The following HDAC4 variants were observed in gnomAD, a reference collection of about 807,000 sequenced individuals.
HDAC4 encodes histone deacetylase 4, also known as histone deacetylase A.
A neutral mutation model predicts 135.1 loss-of-function variants in HDAC4; 16 were observed. That is an observed-to-expected ratio of 0.12 (90% CI 0.08 to 0.18). HDAC4 has a LOEUF of 0.18. Among genes scored for constraint, HDAC4 ranks in the 10% least tolerant of loss-of-function variants. HDAC4 has a pLI of 1.00. For missense variants in HDAC4, 1,143 were observed against 1,511.8 expected (o/e 0.76, Z 4.05); for synonymous variants, 685 against 653.4 (o/e 1.05, Z -0.74).
At chr2:239,175,726 GA>G (rs1384993740) in intron 5 of HDAC4, among the ~76,000 whole-genome samples, 1 of 152,176 alleles carries the variant, frequency 6.6e-6, no homozygotes, top group Non-Finnish European at 1.5e-5. Context: ...AAAGTACTTT[GA>G]AAAATGCAGG....
chr2:239,054,464 G>A (rs904513787), intron 25 of HDAC4, among the ~76,000 whole-genome samples: 6 of 152,152 alleles, frequency 3.9e-5, no homozygotes, highest in African/African-American at 1.4e-4. Flanking sequence ...GGGACCTAGA[G>A]CAAGTGACTC....
intron 4 of HDAC4, among the ~76,000 whole-genome samples, chr2:239,177,854 C>T (rs866740962): frequency 6.6e-6 from 1 of 152,222 alleles, no homozygotes; most frequent in African/African-American, 2.4e-5. Context: ...CTAGTGAACA[C>T]TTCCCATTTC....
chr2:239,301,529 C>G (rs2052272495), intron 2 of HDAC4, among the ~76,000 whole-genome samples: 1 of 150,870 alleles, frequency 6.6e-6, no homozygotes, highest in African/African-American at 2.4e-5. Context: ...GTCACCCAGG[C>G]TGGAGTGCAG....
At chr2:239,135,490 A>T (rs1030685078) in intron 9 of HDAC4, among the ~76,000 whole-genome samples, 8 of 152,242 alleles carry the variant, frequency 5.3e-5, no homozygotes, top group African/African-American at 1.9e-4. Context: ...ACAAATTGGC[A>T]AACACTTTTG....
chr2:239,126,744 G>C, intron 11 of HDAC4, 50 bp from the exon 12 acceptor site: 1 of 1,582,262 alleles, frequency 6.3e-7, no homozygotes, highest in South Asian at 1.1e-5. Flanking sequence ...GAAGAAGAGA[G>C]GAGGGAGAGA....
chr2:239,288,598 T>C (rs564699059), intron 2 of HDAC4, among the ~76,000 whole-genome samples: 1 of 151,936 alleles, frequency 6.6e-6, no homozygotes, highest in South Asian at 2.1e-4. Context: ...AATAAGATGA[T>C]TGGATATAAA....
intron 20 of HDAC4, among the ~76,000 whole-genome samples, chr2:239,083,942 C>T (rs1043083417): frequency 1.1e-4 from 17 of 152,232 alleles, no homozygotes; most frequent in Admixed American, 8.5e-4. Context: ...TTTTTAGACA[C>T]GCCAGGACCC....
chr2:239,302,737 C>A (rs934534080), intron 2 of HDAC4, among the ~76,000 whole-genome samples: 2 of 152,246 alleles, frequency 1.3e-5, no homozygotes, highest in East Asian at 3.9e-4. Context: ...TCACGCAGAG[C>A]GTTTCGTGGG....
intron 1 of HDAC4, among the ~76,000 whole-genome samples, chr2:239,363,417 A>G (rs928795552): frequency 2.0e-5 from 3 of 152,248 alleles, no homozygotes; most frequent in African/African-American, 7.2e-5. Context: ...AAGTAAACCA[A>G]GGAGAATATG....
intron 15 of HDAC4, among the ~76,000 whole-genome samples, chr2:239,104,383 C>G (rs1420062602): frequency 6.6e-6 from 1 of 152,182 alleles, no homozygotes; most frequent in South Asian, 2.1e-4. Flanking sequence ...TGCCCACCAT[C>G]ACACCTGGCT....
At chr2:239,101,964 T>G (rs1161015278) in intron 16 of HDAC4, among the ~76,000 whole-genome samples, 1 of 148,532 alleles carries the variant, frequency 6.7e-6, no homozygotes, top group Non-Finnish European at 1.5e-5. Context: ...GGGTCTGGGT[T>G]CTGTGTCCTG....
At chr2:239,084,471 A>G (rs1024085169) in intron 19 of HDAC4, among the ~76,000 whole-genome samples, 1 of 151,176 alleles carries the variant, frequency 6.6e-6, no homozygotes, top group African/African-American at 2.4e-5. Context: ...GCGCGCACAC[A>G]CACACACACA....
chr2:239,218,813 TGAACA>T (rs1345204806), intron 3 of HDAC4, among the ~76,000 whole-genome samples: 2 of 148,370 alleles, frequency 1.3e-5, no homozygotes, highest in African/African-American at 5.0e-5. Flanking sequence ...GCGAAGGACA[TGAACA>T]GACACTTCTC....
chr2:239,083,442 T>C (rs2035554108), intron 20 of HDAC4, among the ~76,000 whole-genome samples: 1 of 152,248 alleles, frequency 6.6e-6, no homozygotes, highest in Non-Finnish European at 1.5e-5. Flanking sequence ...ATTGTTTCTT[T>C]ACCCAAACTC....
chr2:239,158,506 C>G (rs559476962), intron 6 of HDAC4, among the ~76,000 whole-genome samples: 1 of 152,262 alleles, frequency 6.6e-6, no homozygotes, highest in East Asian at 1.9e-4. Flanking sequence ...CTATTCTGAT[C>G]TCTTGAGGTG....
intron 4 of HDAC4, among the ~76,000 whole-genome samples, chr2:239,181,635 A>G (rs936530806): frequency 1.3e-5 from 2 of 152,248 alleles, no homozygotes; most frequent in African/African-American, 4.8e-5. Flanking sequence ...GAAGACTCAC[A>G]GGCGGCCCAT....
chr2:239,334,980 G>T (rs183222121), intron 2 of HDAC4, among the ~76,000 whole-genome samples: 1 of 142,692 alleles, frequency 7.0e-6, no homozygotes, highest in East Asian at 2.1e-4. Flanking sequence ...AGCCAAGATC[G>T]TGCCACTGCA....
At chr2:239,339,717 G>T (rs1417123514) in intron 2 of HDAC4, among the ~76,000 whole-genome samples, 1 of 152,146 alleles carries the variant, frequency 6.6e-6, no homozygotes, top group East Asian at 1.9e-4. Flanking sequence ...CTTAGAAAAT[G>T]CAGTCCTTGA....
chr2:239,207,093 G>T (rs867363638), intron 3 of HDAC4, among the ~76,000 whole-genome samples: 2 of 151,680 alleles, frequency 1.3e-5, no homozygotes, highest in Non-Finnish European at 2.9e-5. Context: ...TCTCCCCACC[G>T]CTGGGTATGC....
Sources: allele counts gnomAD v4.1 joint callset (sites outside exome capture counted in the v4.1 genomes callset), GRCh38; gene constraint gnomAD v4.1.1; transcripts MANE v1.5; gene names NCBI Gene and HGNC (gene_info 2026-07-23, HGNC 2026-07-21).